ZNF670: variants seen among roughly 807,000 people sequenced by gnomAD.
ZNF670 encodes zinc finger protein 670.
Under a neutral mutation model 10.9 loss-of-function variants are expected in ZNF670, and 7 were observed. The ratio of observed to expected loss-of-function variants is 0.64; its 90% CI spans 0.36 to 1.20. The LOEUF (loss-of-function observed/expected upper bound fraction) is 1.20, where lower values mean the gene tolerates loss of function less well. Among genes scored for constraint, ZNF670 ranks in the 50% most tolerant of loss-of-function variants. The pLI, the probability that ZNF670 is intolerant of heterozygous loss-of-function variation, is 0.02. For missense variants in ZNF670, 446 were observed against 458.6 expected (o/e 0.97, Z 0.25); for synonymous variants, 136 against 152.7 (o/e 0.89, Z 0.81).
chr1:247,041,665 C>T (rs1670314298), intron 1 of ZNF670, among the ~76,000 whole-genome samples: 1 of 152,310 alleles, frequency 6.6e-6, no homozygotes, highest in East Asian at 1.9e-4. Context: ...TGCATTTGCA[C>T]TTGGAGATGT....
chr1:247,067,459 T>C (rs1671010425), intron 1 of ZNF670, among the ~76,000 whole-genome samples: 1 of 144,916 alleles, frequency 6.9e-6, no homozygotes, highest in South Asian at 2.2e-4. Flanking sequence ...AAAAAAGACT[T>C]GTCTCAGATA....
intron 1 of ZNF670, among the ~76,000 whole-genome samples, chr1:247,052,657 G>GTT (rs1241780263): frequency 2.6e-5 from 4 of 152,212 alleles, no homozygotes; most frequent in African/African-American, 9.7e-5. Context: ...GGAATTAGCA[G>GTT]TTGTTTACTG....
At chr1:247,073,218 C>T (rs181725150) in intron 1 of ZNF670, among the ~76,000 whole-genome samples, 10 of 152,198 alleles carry the variant, frequency 6.6e-5, no homozygotes, top group Admixed American at 5.2e-4. Context: ...CCAAGAAAAT[C>T]AAAATCTCAC....
intron 1 of ZNF670, 101 bp downstream of exon 1, chr1:247,078,493 C>A (rs41310571): frequency 0.2 from 299,373 of 1,479,182 alleles, 33,282 homozygotes; most frequent in African/African-American, 0.37. Context: ...GAGGCGCCGG[C>A]GGAAACTCGG....
intron 1 of ZNF670, among the ~76,000 whole-genome samples, chr1:247,049,873 T>C (rs1670550908): frequency 6.6e-6 from 1 of 152,244 alleles, no homozygotes; most frequent in Admixed American, 6.5e-5. Flanking sequence ...TATACTCCAT[T>C]GTGGTCTAAG....
At chr1:247,040,357 A>G (rs2103052358) in intron 1 of ZNF670, among the ~76,000 whole-genome samples, 1 of 152,370 alleles carries the variant, frequency 6.6e-6, no homozygotes. Flanking sequence ...TTGGATAACA[A>G]CAAAGTGCAA....
chr1:247,061,197 T>TTC (rs1402588186), intron 1 of ZNF670, among the ~76,000 whole-genome samples: 14 of 151,748 alleles, frequency 9.2e-5, no homozygotes, highest in African/African-American at 3.2e-4. Context: ...TTTTTTTTTT[T>TTC]TTGAGATGGA....
intron 1 of ZNF670, among the ~76,000 whole-genome samples, chr1:247,067,396 A>G (rs989269426): frequency 7.1e-6 from 1 of 141,480 alleles, no homozygotes; most frequent in African/African-American, 2.7e-5. Context: ...AGATCATGCC[A>G]TTGCACTCCA....
intron 1 of ZNF670, among the ~76,000 whole-genome samples, chr1:247,059,717 C>G (rs1308115438): frequency 6.6e-6 from 1 of 152,046 alleles, no homozygotes; most frequent in South Asian, 2.1e-4. Flanking sequence ...TGCCTTTCTG[C>G]AGATTAATAG....
Position 247,038,120 on chromosome 1 carries a change from C to T in ZNF670, c.499G>A (p.Gly167Arg), listed in dbSNP as rs999857975. ...TCATACACTGGACCCTTATAAGGCC[C>T]ATTACTAGTGTGTGTTACCATGTGT... ...DRHMVTHTSN[G>R]PYKGPVYEKP... Residue 167 changes from glycine to arginine, a missense_variant, in exon 4 of 4, where the codon GGG becomes AGG. Coordinates refer to ENST00000366503, the MANE Select transcript of ZNF670 (RefSeq NM_033213.5). 1 of 1,614,092 alleles carries T rather than the reference C, an allele frequency of 6.2e-7. No individual in the cohort carries two copies. Among genetic ancestry groups the T allele is most frequent in the East Asian group, 2.2e-5 (1 of 44,868 alleles).
chr1:247,067,472 T>C (rs529170587), intron 1 of ZNF670, among the ~76,000 whole-genome samples: 3 of 145,760 alleles, frequency 2.1e-5, no homozygotes, highest in Non-Finnish European at 1.5e-5. Context: ...CTCAGATACA[T>C]TGAGTTCACA....
chr1:247,071,289 C>A (rs1671108221), intron 1 of ZNF670, among the ~76,000 whole-genome samples: 1 of 152,134 alleles, frequency 6.6e-6, no homozygotes, highest in Admixed American at 6.5e-5. Flanking sequence ...AATTACACAG[C>A]CATAGAAAAA....
chr1:247,056,039 A>C (rs927534364), intron 1 of ZNF670, among the ~76,000 whole-genome samples: 2 of 151,986 alleles, frequency 1.3e-5, no homozygotes, highest in African/African-American at 4.8e-5. Context: ...AATAGAGCTA[A>C]AGAGAGAGAG....
At position 247,036,906 on chromosome 1, in the gene ZNF670, G is replaced by GCACACACACC. The variant is rs1670168594; in HGVS notation, c.*542_*543insGGTGTGTGTG. On this transcript the variant is annotated 3_prime_UTR_variant, in exon 4 of 4. Coordinates refer to ENST00000366503, the MANE Select transcript of ZNF670 (RefSeq NM_033213.5). ...CACACACACACACACACACACACAT[G>GCACACACACC]AACTCATTTTTCATTGGTCCATTAA... The GCACACACACC allele has an allele frequency of 1.4e-5, 1 of 70,936 alleles. No individual in the cohort carries two copies. Among genetic ancestry groups the GCACACACACC allele is most frequent in the African/African-American group, 6.0e-5 (1 of 16,712 alleles). The allele number at this position is 70,936 out of a possible 1,614,324, so 4.4% of individuals were successfully genotyped here. A position where few individuals can be genotyped will look rare whatever the true frequency, so the allele number is the denominator to read the frequency against.
chr1:247,077,292 T>C (rs1671276400), intron 1 of ZNF670, among the ~76,000 whole-genome samples: 1 of 152,108 alleles, frequency 6.6e-6, no homozygotes, highest in Admixed American at 6.6e-5. Flanking sequence ...CTTCCATATT[T>C]TAAACTGTCC....
intron 3 of ZNF670, 74 bp downstream of exon 3, chr1:247,038,736 T>C: frequency 7.4e-7 from 1 of 1,345,532 alleles, no homozygotes. Context: ...CTTAGTTGTT[T>C]TGTCTGTTTT....
At chr1:247,070,992 A>G (rs1671101141) in intron 1 of ZNF670, among the ~76,000 whole-genome samples, 1 of 152,212 alleles carries the variant, frequency 6.6e-6, no homozygotes, top group African/African-American at 2.4e-5. Context: ...GGTTGCAGAG[A>G]AAAGGGAATG....
At chr1:247,052,786 A>G (rs906799038) in intron 1 of ZNF670, among the ~76,000 whole-genome samples, 1 of 152,172 alleles carries the variant, frequency 6.6e-6, no homozygotes, top group Admixed American at 6.5e-5. Flanking sequence ...GGGGGATATC[A>G]GCTTGCCCTA....
intron 1 of ZNF670, among the ~76,000 whole-genome samples, chr1:247,072,771 G>C (rs1469304117): frequency 8.1e-6 from 1 of 123,048 alleles, no homozygotes; most frequent in Non-Finnish European, 1.7e-5. Flanking sequence ...TGGGCGACAA[G>C]AACGAAACTC....
Sources: gnomAD v4.1 joint callset for allele counts (sites outside exome capture counted in the v4.1 genomes callset) on GRCh38, gnomAD v4.1.1 for gene constraint, MANE v1.5 for transcripts, NCBI Gene and HGNC (gene_info 2026-07-23, HGNC 2026-07-21) for gene names.